Variants in NWD2 observed in about 807,000 individuals in gnomAD.
NWD2 encodes the protein NACHT and WD repeat domain-containing protein 2.
Under a neutral mutation model 132.7 loss-of-function variants are expected in NWD2, and 37 were observed. That is an observed-to-expected ratio of 0.28 (90% CI 0.21 to 0.37). The LOEUF (loss-of-function observed/expected upper bound fraction) is 0.37, where lower values mean the gene tolerates loss of function less well. Ranked by LOEUF, NWD2 falls within the 10% of genes least tolerant of loss-of-function variation. NWD2 has a pLI of 1.00. For missense variants in NWD2, 1,592 were observed against 2,122.4 expected (o/e 0.75, Z 4.91); for synonymous variants, 705 against 803.0 (o/e 0.88, Z 2.06).
chr4:37,268,610 A>G (rs544486034), intron 1 of NWD2, among the ~76,000 whole-genome samples: 1 of 152,044 alleles, frequency 6.6e-6, no homozygotes, highest in African/African-American at 2.4e-5. Context: ...GTAAACTGAA[A>G]TATAGTACTT....
intron 3 of NWD2, among the ~76,000 whole-genome samples, chr4:37,415,572 C>CAGGT (rs1711572217): frequency 6.6e-6 from 1 of 151,934 alleles, no homozygotes; most frequent in Non-Finnish European, 1.5e-5. Flanking sequence ...GGCGTGGTGG[C>CAGGT]AGGTGCCTGT....
chr4:37,397,391 G>A (rs1720818121), intron 3 of NWD2, among the ~76,000 whole-genome samples: 1 of 152,152 alleles, frequency 6.6e-6, no homozygotes, highest in South Asian at 2.1e-4. Context: ...TTAATCAGTA[G>A]ACTTTGAGTA....
chr4:37,408,232 C>T (rs569323225), intron 3 of NWD2, among the ~76,000 whole-genome samples: 1 of 129,302 alleles, frequency 7.7e-6, no homozygotes, highest in South Asian at 2.5e-4. Context: ...AGTGGTCTGG[C>T]TCGGCAGGTC....
chr4:37,420,572 A>G (rs1378901620), intron 3 of NWD2, among the ~76,000 whole-genome samples: 1 of 152,194 alleles, frequency 6.6e-6, no homozygotes, highest in African/African-American at 2.4e-5. Context: ...AGTCCCAGCT[A>G]CTCAGGAGGC....
chr4:37,387,222 A>G (rs1720581832), intron 3 of NWD2, among the ~76,000 whole-genome samples: 1 of 152,220 alleles, frequency 6.6e-6, no homozygotes, highest in Non-Finnish European at 1.5e-5. Flanking sequence ...AAAAAATTAA[A>G]AACAAATGGA....
At chr4:37,289,084 T>A (rs1242435668) in intron 1 of NWD2, among the ~76,000 whole-genome samples, 1 of 152,228 alleles carries the variant, frequency 6.6e-6, no homozygotes, top group Non-Finnish European at 1.5e-5. Context: ...GTGTTTTAGT[T>A]TTGTCTCAGT....
chr4:37,417,360 G>C (rs567301562), intron 3 of NWD2, among the ~76,000 whole-genome samples: 1 of 151,288 alleles, frequency 6.6e-6, no homozygotes, highest in South Asian at 2.1e-4. Context: ...CAAAAAAAAT[G>C]AATTTTAAAA....
At chr4:37,332,847 C>G (rs1304615358) in intron 2 of NWD2, among the ~76,000 whole-genome samples, 1 of 152,136 alleles carries the variant, frequency 6.6e-6, no homozygotes, top group Admixed American at 6.5e-5. Context: ...CCTGGGATAG[C>G]AGGGAGCCCA....
chr4:37,415,415 G>T (rs6827722), intron 3 of NWD2, among the ~76,000 whole-genome samples: 20,709 of 152,094 alleles, frequency 0.14, 1,998 homozygotes, highest in African/African-American at 0.27. Flanking sequence ...TTTAAAATAG[G>T]CAAAAGAGGC....
intron 1 of NWD2, among the ~76,000 whole-genome samples, chr4:37,290,752 G>A (rs1279895901): frequency 2.0e-5 from 3 of 152,174 alleles, no homozygotes; most frequent in Non-Finnish European, 4.4e-5. Context: ...AGTCAGATAG[G>A]TTCCTATGAC....
chr4:37,282,016 C>T (rs971382051), intron 1 of NWD2, among the ~76,000 whole-genome samples: 23 of 152,142 alleles, frequency 1.5e-4, no homozygotes, highest in Admixed American at 8.5e-4. Flanking sequence ...ACACAATCTT[C>T]AGGATTTCTC....
In NWD2 at chr4:37,355,345, A is replaced by G. The variant is rs143721549; in HGVS notation, c.241-1021A>G. 7.9e-4 allele frequency among the ~76,000 whole-genome samples: 120 copies of G among 152,318 alleles called. 1 individual carries two copies. The highest frequency in any genetic ancestry group is 5.3e-4 in the Non-Finnish European group (36 of 68,026). On this transcript the variant is annotated intron_variant, in intron 2 of 6. Transcript: ENST00000309447. ...TTTTTTAAAGAGCTGTCATTTATTTATCAGCCTTCTAAAACACTCAAATGC... is the reference window on the plus strand; with the variant it reads ...TTTTTTAAAGAGCTGTCATTTATTTGTCAGCCTTCTAAAACACTCAAATGC...
intron 1 of NWD2, among the ~76,000 whole-genome samples, chr4:37,292,807 C>T (rs1718391716): frequency 6.6e-6 from 1 of 151,980 alleles, no homozygotes; most frequent in Non-Finnish European, 1.5e-5. Flanking sequence ...ATCCCGGATC[C>T]CGCACACGCC....
Position 37,438,945 on chromosome 4 carries a change from C to A in NWD2, c.851C>A (p.Thr284Lys). Residue 284 changes from threonine (T) to lysine (K), a missense_variant, in exon 6 of 7, where the codon ACA becomes AAA. Thr to Lys is a moderately conservative substitution (Grantham distance 78). This residue lies in a region of NWD2 where 1,071 missense variants were observed against 1,398.0 expected (regional missense o/e 0.77). Transcript: ENST00000309447. ...EMGKYMDITG[T>K]EPRIIRDPEA... ...GGAAAATACATGGATATAACTGGAA[C>A]AGAACCGAGGATTATTCGGGACCCA... The A allele has an allele frequency of 6.4e-7, 1 of 1,552,024 alleles. No homozygotes were observed. Among genetic ancestry groups the A allele is most frequent in the Non-Finnish European group, 8.7e-7 (1 of 1,147,072 alleles).
rs758800716 is a variant in NWD2, at chr4:37,445,213, C to T, written c.3225C>T (p.Leu1075=). The part of the protein sequence containing the change: ...TLSANHALAW[L]EASKDVTVID... ...CCGCCAACCACGCCCTTGCATGGCTCGAAGCCAGCAAAGATGTCACTGTCA... is the reference window on the plus strand; with the variant it reads ...CCGCCAACCACGCCCTTGCATGGCTTGAAGCCAGCAAAGATGTCACTGTCA... Residue 1075 remains leucine, a synonymous_variant, in exon 7 of 7, where the codon CTC becomes CTT. Coordinates refer to ENST00000309447, the MANE Select transcript of NWD2 (RefSeq NM_001144990.2). This position sits in a 1 kb window ranked among gnomAD's most constrained non-coding sequence, Gnocchi z 4.7. The T allele has an allele frequency of 1.3e-4, 200 of 1,551,908 alleles. No individual in the cohort carries two copies. Among genetic ancestry groups the T allele is most frequent in the Middle Eastern group, 1.2e-3 (7 of 5,992 alleles).
intron 1 of NWD2, among the ~76,000 whole-genome samples, chr4:37,311,910 G>T (rs958133478): frequency 1.3e-5 from 2 of 151,406 alleles, no homozygotes; most frequent in African/African-American, 2.5e-5. Context: ...GCTTGTTTTT[G>T]TCAGGTTTGT....
intron 2 of NWD2, among the ~76,000 whole-genome samples, chr4:37,338,261 G>C (rs895455026): frequency 2.0e-5 from 3 of 152,212 alleles, no homozygotes; most frequent in African/African-American, 7.2e-5. Context: ...TCATGTAATT[G>C]GCAGTGCTCC....
At chr4:37,264,469 C>T (rs1372451386) in intron 1 of NWD2, among the ~76,000 whole-genome samples, 1 of 152,046 alleles carries the variant, frequency 6.6e-6, no homozygotes, top group Admixed American at 6.6e-5. Context: ...CCAGTAAACT[C>T]GGTGTTCTGG....
In NWD2 at chr4:37,447,330, C is replaced by T. The variant is rs187042729; in HGVS notation, c.*113C>T. The stretch of plus-strand genomic sequence containing the variant: ...AAAAGGCAGGAGCGATGCTGGAATT[C>T]CAGTGTTTTATTAAGATGTTCATGA... On this transcript the variant is annotated 3_prime_UTR_variant, in exon 7 of 7. Transcript: ENST00000309447. The T allele has an allele frequency of 4.9e-3, 4,036 of 815,588 alleles. 14 individuals carry two copies. The highest frequency in any genetic ancestry group is 6.8e-3 in the Non-Finnish European group (3,562 of 527,344). The allele number at this position is 815,588 out of a possible 1,614,324, so 50.5% of individuals were successfully genotyped here.
Sources: gnomAD v4.1 joint callset for allele counts (sites outside exome capture counted in the v4.1 genomes callset) on GRCh38, gnomAD v4.1.1 for gene constraint, gnomAD v4.1.1 regional missense constraint, Gnocchi (gnomAD v3.1) non-coding constraint, MANE v1.5 for transcripts, NCBI Gene and HGNC (gene_info 2026-07-23, HGNC 2026-07-21) for gene names.